Variants in KLHL1 observed in about 807,000 individuals in gnomAD.
KLHL1 encodes kelch-like protein 1.
KLHL1 carries 47 observed loss-of-function variants against 77.7 expected under a neutral mutation model. That is an observed-to-expected ratio of 0.60 (90% CI 0.48 to 0.77). The LOEUF is 0.77. Among genes scored for constraint, KLHL1 ranks in the 30% least tolerant of loss-of-function variants. The pLI, the probability that KLHL1 is intolerant of heterozygous loss-of-function variation, is 0.00. For synonymous variants in KLHL1, 360 were observed against 325.2 expected (o/e 1.11, Z -1.15); for missense variants, 925 against 910.8 (o/e 1.02, Z -0.20).
chr13:69,852,625 G>T (rs929131352), intron 5 of KLHL1, among the ~76,000 whole-genome samples: 1 of 151,870 alleles, frequency 6.6e-6, no homozygotes, highest in African/African-American at 2.4e-5. Context: ...CTTTATATTT[G>T]CAGATTTCCA....
intron 7 of KLHL1, among the ~76,000 whole-genome samples, chr13:69,793,411 A>G (rs1239421499): frequency 6.6e-6 from 1 of 151,984 alleles, no homozygotes; most frequent in Non-Finnish European, 1.5e-5. Context: ...CAGCAGAATG[A>G]TCATTTTTCG....
rs75293487 is a variant in KLHL1, at chr13:69,956,898, G to A, written c.817+4410C>T. On this transcript the variant is annotated intron_variant, in intron 3 of 10. Transcript: ENST00000377844. Reference sequence around the variant, plus strand: ...CACATGCTTAGCATAGAAAACGTTCGTCTGTAAAATGTATAATGTTCAGGA... The same window carrying A: ...CACATGCTTAGCATAGAAAACGTTCATCTGTAAAATGTATAATGTTCAGGA... Among the ~76,000 whole-genome samples, 21 of 151,666 alleles carry A rather than the reference G, an allele frequency of 1.4e-4. No homozygotes were observed. In the East Asian group the frequency reaches 2.1e-3, roughly 15 times the overall value.
At chr13:70,024,457 A>T (rs1286585340) in intron 1 of KLHL1, among the ~76,000 whole-genome samples, 1 of 151,662 alleles carries the variant, frequency 6.6e-6, no homozygotes, top group African/African-American at 2.4e-5. Context: ...GAGTGCTGTT[A>T]TTTTTTTCTT....
chr13:69,780,709 T>TATATATATATATACAC (rs1333208359), intron 7 of KLHL1, among the ~76,000 whole-genome samples: 1 of 37,338 alleles, frequency 2.7e-5, no homozygotes, highest in Non-Finnish European at 5.1e-5. Flanking sequence ...TATGTATATA[T>TATATATATATATACAC]ATATATGTAT....
intron 4 of KLHL1, among the ~76,000 whole-genome samples, chr13:69,921,186 C>T (rs1247010969): frequency 3.3e-5 from 5 of 152,102 alleles, no homozygotes; most frequent in Non-Finnish European, 5.9e-5. Flanking sequence ...CAAAAAGAAA[C>T]GTTATAAACA....
chr13:70,028,979 T>TTA (rs1886024451), intron 1 of KLHL1, among the ~76,000 whole-genome samples: 2 of 146,948 alleles, frequency 1.4e-5, no homozygotes, highest in South Asian at 4.2e-4. Context: ...GAAAACTTGT[T>TTA]AAAAAAAAAA....
chr13:69,926,656 C>G (rs773051964), intron 4 of KLHL1, among the ~76,000 whole-genome samples: 3 of 151,790 alleles, frequency 2.0e-5, no homozygotes, highest in Non-Finnish European at 4.4e-5. Flanking sequence ...ATAAGAATGC[C>G]AAGAATTCAG....
intron 1 of KLHL1, among the ~76,000 whole-genome samples, chr13:70,010,445 T>C (rs528037186): frequency 6.6e-6 from 1 of 152,230 alleles, no homozygotes; most frequent in African/African-American, 2.4e-5. Flanking sequence ...ATATAGAATA[T>C]GACTGAAAGA....
chr13:70,058,888 G>A (rs1414709325), intron 1 of KLHL1, among the ~76,000 whole-genome samples: 2 of 152,030 alleles, frequency 1.3e-5, no homozygotes, highest in Non-Finnish European at 2.9e-5. Context: ...ACAGAATAGA[G>A]AACCCAGAAA....
intron 4 of KLHL1, among the ~76,000 whole-genome samples, chr13:69,933,572 G>A (rs1010609401): frequency 2.0e-4 from 31 of 152,204 alleles, no homozygotes; most frequent in African/African-American, 7.5e-4. Flanking sequence ...GACAAGTGAA[G>A]GATGTATAGC....
chr13:69,743,347 CA>C (rs998702745), intron 7 of KLHL1, among the ~76,000 whole-genome samples: 2 of 151,924 alleles, frequency 1.3e-5, no homozygotes, highest in Non-Finnish European at 2.9e-5. Context: ...TTCAGAAATT[CA>C]AAAAGTACAA....
chr13:69,751,405 A>T (rs1874473139), intron 7 of KLHL1, among the ~76,000 whole-genome samples: 2 of 152,198 alleles, frequency 1.3e-5, no homozygotes, highest in Middle Eastern at 3.4e-3. Context: ...GTGCTACCTT[A>T]CTACCTGTCC....
rs544460257 is a variant in KLHL1 at position 70,041,338 on chromosome 13, T to C, written c.498-65536A>G. ...CAACCCAGGTGTTATAAATTTTCTA[T>C]TACAATAGTATGGATTTAATTTAAA... On this transcript the variant is annotated intron_variant, in intron 1 of 10. Coordinates refer to ENST00000377844, the MANE Select transcript of KLHL1 (RefSeq NM_020866.3). Among the ~76,000 whole-genome samples the C allele has an allele frequency of 7.9e-5, 12 of 152,314 alleles. No homozygotes were observed. In the East Asian group the frequency reaches 2.3e-3, roughly 29 times the overall value.
At chr13:69,917,139 G>T (rs1882473017) in intron 4 of KLHL1, among the ~76,000 whole-genome samples, 1 of 151,886 alleles carries the variant, frequency 6.6e-6, no homozygotes, top group South Asian at 2.1e-4. Flanking sequence ...AAAAAATAAA[G>T]TAATAAAAAG....
intron 3 of KLHL1, among the ~76,000 whole-genome samples, chr13:69,946,138 G>A (rs1262336943): frequency 1.3e-5 from 2 of 152,076 alleles, no homozygotes; most frequent in African/African-American, 4.8e-5. Context: ...CAAAAAATCT[G>A]GTATGTAAGG....
chr13:70,017,132 G>A (rs1408178277), intron 1 of KLHL1, among the ~76,000 whole-genome samples: 1 of 152,128 alleles, frequency 6.6e-6, no homozygotes, highest in African/African-American at 2.4e-5. Flanking sequence ...CATTCCTCCT[G>A]GACATAGGAC....
At chr13:70,067,601 G>C (rs976978390) in intron 1 of KLHL1, among the ~76,000 whole-genome samples, 1 of 151,700 alleles carries the variant, frequency 6.6e-6, no homozygotes, top group Non-Finnish European at 1.5e-5. Flanking sequence ...AAGGGCAGGC[G>C]GTCTTAGTAC....
At chr13:70,039,510 T>C (rs1282177330) in intron 1 of KLHL1, among the ~76,000 whole-genome samples, 2 of 152,220 alleles carry the variant, frequency 1.3e-5, no homozygotes, top group Non-Finnish European at 2.9e-5. Context: ...AATTAACTCA[T>C]TATTGCTCAT....
At chr13:69,783,956 G>A (rs1876370905) in intron 7 of KLHL1, among the ~76,000 whole-genome samples, 1 of 152,096 alleles carries the variant, frequency 6.6e-6, no homozygotes, top group Non-Finnish European at 1.5e-5. Context: ...TACCCACAAA[G>A]GGAAGCCCAT....
Sources: gnomAD v4.1 joint callset for allele counts (sites outside exome capture counted in the v4.1 genomes callset) on GRCh38, gnomAD v4.1.1 for gene constraint, MANE v1.5 for transcripts, NCBI Gene and HGNC (gene_info 2026-07-23, HGNC 2026-07-21) for gene names.